CREM: variants seen among roughly 807,000 people sequenced by gnomAD.
CREM encodes cAMP responsive element modulator, also known as cAMP-responsive element modulator.
A neutral mutation model predicts 37.3 loss-of-function variants in CREM; 13 were observed. That is an observed-to-expected ratio of 0.35 (90% CI 0.23 to 0.55). The LOEUF (loss-of-function observed/expected upper bound fraction) is 0.55. Ranked by LOEUF, CREM falls within the 20% of genes least tolerant of loss-of-function variation. CREM has a pLI of 0.88. For missense variants in CREM, 296 were observed against 362.3 expected, an observed-to-expected ratio of 0.82 and a Z score of 1.49; for synonymous variants, 124 against 120.2, an observed-to-expected ratio of 1.03 and a Z score of -0.21.
intron 1 of CREM, among the ~76,000 whole-genome samples, chr10:35,133,800 ACT>A (rs1426861579): frequency 1.3e-5 from 2 of 152,216 alleles, no homozygotes; most frequent in Admixed American, 6.5e-5. Flanking sequence ...AACACAACTA[ACT>A]CTTGGTAAGC....
intron 1 of CREM, among the ~76,000 whole-genome samples, chr10:35,129,641 G>A (rs2045916): frequency 0.15 from 22,960 of 152,172 alleles, 1,962 homozygotes; most frequent in East Asian, 0.24. Flanking sequence ...CTTTTAGATA[G>A]ACTTCTTAAA....
intron 6 of CREM, among the ~76,000 whole-genome samples, chr10:35,206,016 A>C (rs2095510710): frequency 6.6e-6 from 1 of 151,954 alleles, no homozygotes; most frequent in Non-Finnish European, 1.5e-5. Flanking sequence ...TGGGAGGCCA[A>C]GGTGGGAGGA....
chr10:35,166,284 C>T (rs898176657), intron 3 of CREM, among the ~76,000 whole-genome samples: 2 of 152,112 alleles, frequency 1.3e-5, no homozygotes, highest in East Asian at 1.9e-4. Flanking sequence ...ACAGCTAGGC[C>T]AGACACAGTG....
chr10:35,154,327 C>T (rs1441419573), intron 3 of CREM: 4 of 363,678 alleles, frequency 1.1e-5, no homozygotes, highest in Non-Finnish European at 2.0e-5. Context: ...TAGAAGACCT[C>T]AAGCAACATT....
intron 6 of CREM, among the ~76,000 whole-genome samples, chr10:35,204,070 A>G (rs1324121666): frequency 1.3e-5 from 2 of 152,166 alleles, no homozygotes; most frequent in African/African-American, 2.4e-5. Context: ...GGGTGAAGAG[A>G]AAAAAGAGGA....
At chr10:35,153,798 C>T (rs1293897848) in intron 3 of CREM, among the ~76,000 whole-genome samples, 2 of 152,162 alleles carry the variant, frequency 1.3e-5, no homozygotes, top group African/African-American at 4.8e-5. Context: ...GGGAAGGAAA[C>T]TCTGGAGATT....
At chr10:35,191,544 CTTCTCCCTT>C (rs2094918669) in intron 6 of CREM, among the ~76,000 whole-genome samples, 1 of 152,144 alleles carries the variant, frequency 6.6e-6, no homozygotes, top group African/African-American at 2.4e-5. Context: ...CCCTGCCCTC[CTTCTCCCTT>C]CATCTCACTG....
intron 5 of CREM, 126 bp from the exon 6 acceptor site, chr10:35,188,074 A>T: frequency 1.1e-6 from 1 of 927,716 alleles, no homozygotes. Flanking sequence ...AATTCAGCAT[A>T]GAAAATAAGG....
Position 35,211,745 on chromosome 10 carries a change from A to G in CREM, c.*347A>G, listed in dbSNP as rs115361168. The G allele has an allele frequency of 8.2e-4, 1,320 of 1,614,044 alleles. 9 individuals are homozygous for G. The African/African-American group carries it at 0.015, about 19-fold the overall frequency. ...GCAGTGCTGGAAGTCCAGAACAAGA[A>G]GCTTATAGAGGAACTTGAAACCTTG... On this transcript the variant is annotated 3_prime_UTR_variant, in exon 8 of 8. Transcript: ENST00000685392.
chr10:35,201,360 G>C, intron 6 of CREM: 1 of 1,394,836 alleles, frequency 7.2e-7, no homozygotes, highest in Non-Finnish European at 9.9e-7. Context: ...TGGAGTGCCT[G>C]CCATGTGCCA....
At chr10:35,183,287 CCTT>C (rs1478557690) in intron 5 of CREM, among the ~76,000 whole-genome samples, 2 of 152,114 alleles carry the variant, frequency 1.3e-5, no homozygotes, top group African/African-American at 2.4e-5. Context: ...TTTGTGGACT[CCTT>C]ATAAGAATTC....
At chr10:35,137,616 G>T (rs926249870) in intron 1 of CREM, among the ~76,000 whole-genome samples, 166 bp from the exon 2 acceptor site, 2 of 151,588 alleles carry the variant, frequency 1.3e-5, no homozygotes, top group Admixed American at 6.6e-5. Flanking sequence ...TAGTCTTTTG[G>T]TTTTTTTTGG....
Position 35,211,497 on chromosome 10 carries a change from T to C in CREM, c.*99T>C. 2 of 1,514,130 alleles carry C rather than the reference T, an allele frequency of 1.3e-6. No homozygotes were observed. Among genetic ancestry groups the C allele is most frequent in the South Asian group, 1.3e-5 (1 of 77,526 alleles). The allele number at this position is 1,514,130 out of a possible 1,614,324, so 93.8% of individuals were successfully genotyped here. A position where few individuals can be genotyped will look rare whatever the true frequency, so the allele number is the denominator to read the frequency against. ...CTTGTGGGAAGGACACGTGTGACCCTTAAGAATCCAGTTTGGATTAGTGTT... is the reference window on the plus strand; with the variant it reads ...CTTGTGGGAAGGACACGTGTGACCCCTAAGAATCCAGTTTGGATTAGTGTT... On this transcript the variant is annotated 3_prime_UTR_variant, in exon 8 of 8. Coordinates refer to ENST00000685392, the MANE Select transcript of CREM (RefSeq NM_183011.2).
intron 1 of CREM, among the ~76,000 whole-genome samples, chr10:35,132,950 A>G (rs2089718528): frequency 6.6e-6 from 1 of 152,206 alleles, no homozygotes; most frequent in Non-Finnish European, 1.5e-5. Context: ...ATGGATATCT[A>G]CTTTTGCAAA....
At chr10:35,182,500 A>G (rs1256774551) in intron 5 of CREM, among the ~76,000 whole-genome samples, 1 of 151,858 alleles carries the variant, frequency 6.6e-6, no homozygotes, top group African/African-American at 2.4e-5. Context: ...TTTTTTTCCA[A>G]TATTTTATTA....
intron 6 of CREM, chr10:35,201,432 C>T: frequency 6.4e-7 from 1 of 1,551,194 alleles, no homozygotes; most frequent in South Asian, 1.2e-5. Flanking sequence ...AAATGAGATA[C>T]TGTATCCCCA....
chr10:35,192,933 T>C (rs1199315633), intron 6 of CREM, among the ~76,000 whole-genome samples: 2 of 152,144 alleles, frequency 1.3e-5, no homozygotes, highest in African/African-American at 4.8e-5. Flanking sequence ...TCTCCACTTC[T>C]CCCTCTTTTG....
intron 3 of CREM, among the ~76,000 whole-genome samples, chr10:35,161,989 C>A (rs1328030531): frequency 6.6e-6 from 1 of 152,122 alleles, no homozygotes; most frequent in African/African-American, 2.4e-5. Context: ...TTTATTGCAG[C>A]ACTATGCATA....
At chr10:35,147,052 T>G (rs1396317172) in intron 2 of CREM, among the ~76,000 whole-genome samples, 2 of 71,794 alleles carry the variant, frequency 2.8e-5, no homozygotes, top group South Asian at 5.6e-4. Context: ...TTTTTTTTTT[T>G]TTTTTTTTTT....
Sources: gnomAD v4.1 joint callset for allele counts (sites outside exome capture counted in the v4.1 genomes callset) on GRCh38, gnomAD v4.1.1 for gene constraint, MANE v1.5 for transcripts, NCBI Gene and HGNC (gene_info 2026-07-23, HGNC 2026-07-21) for gene names.